Variants in RALYL observed in about 807,000 individuals in gnomAD.
The protein encoded by RALYL is RNA-binding Raly-like protein.
In RALYL, 29 loss-of-function variants were observed where a neutral mutation model predicts 35.1. The observed-to-expected ratio is 0.83, with a 90% CI of 0.61 to 1.13. The LOEUF (loss-of-function observed/expected upper bound fraction) is 1.13. Among genes scored for constraint, RALYL ranks in the 50% most tolerant of loss-of-function variants. The pLI, the probability that RALYL is intolerant of heterozygous loss-of-function variation, is 0.00. For missense variants in RALYL, 359 were observed against 360.4 expected, an observed-to-expected ratio of 1.00 and a Z score of 0.03; for synonymous variants, 120 against 127.6, an observed-to-expected ratio of 0.94 and a Z score of 0.40.
chr8:84,873,248 T>G, intron 6 of RALYL, 36 bp from the exon 7 acceptor site: 1 of 1,197,500 alleles, frequency 8.4e-7, no homozygotes, highest in South Asian at 1.3e-5. Flanking sequence ...GTGCATTTGA[T>G]GCTCTGTTGT....
intron 1 of RALYL, among the ~76,000 whole-genome samples, chr8:84,325,425 TAC>T: frequency 6.6e-6 from 1 of 152,226 alleles, no homozygotes; most frequent in East Asian, 1.9e-4. Flanking sequence ...TTTCCTGATG[TAC>T]TCAACGCCTC....
chr8:84,510,196 A>T (rs1172427597), intron 1 of RALYL, among the ~76,000 whole-genome samples: 1 of 152,188 alleles, frequency 6.6e-6, no homozygotes, highest in East Asian at 1.9e-4. Flanking sequence ...CTTTTATCAT[A>T]TAAGTTGTAT....
intron 1 of RALYL, among the ~76,000 whole-genome samples, chr8:84,326,355 T>A (rs141386362): frequency 1.4e-3 from 213 of 152,302 alleles, no homozygotes; most frequent in Non-Finnish European, 2.4e-3. Flanking sequence ...CTTTGTTGAT[T>A]GCTTCTTTGC....
At chr8:84,598,470 A>G (rs1429872385) in intron 2 of RALYL, among the ~76,000 whole-genome samples, 20 of 152,104 alleles carry the variant, frequency 1.3e-4, no homozygotes, top group Admixed American at 1.3e-3. Context: ...ATACCACATT[A>G]TTTTATGAAT....
chr8:84,304,878 G>C (rs1457923646), intron 1 of RALYL, among the ~76,000 whole-genome samples: 1 of 152,156 alleles, frequency 6.6e-6, no homozygotes, highest in Admixed American at 6.5e-5. Context: ...GAGAATTCTA[G>C]ATGCTGCACT....
At chr8:84,427,426 G>C (rs537723221) in intron 1 of RALYL, among the ~76,000 whole-genome samples, 1 of 152,272 alleles carries the variant, frequency 6.6e-6, no homozygotes, top group South Asian at 2.1e-4. Flanking sequence ...TTGTAAGCTT[G>C]TTCTATTAAT....
intron 1 of RALYL, among the ~76,000 whole-genome samples, chr8:84,205,398 G>A (rs1817829185): frequency 6.6e-6 from 1 of 152,124 alleles, no homozygotes; most frequent in Non-Finnish European, 1.5e-5. Flanking sequence ...ACCCTTTTCT[G>A]TTCAGGATTT....
At chr8:84,889,673 T>C (rs1453315798) in intron 8 of RALYL, among the ~76,000 whole-genome samples, 2 of 152,206 alleles carry the variant, frequency 1.3e-5, no homozygotes, top group Admixed American at 1.3e-4. Context: ...GTCAAATGTT[T>C]AGTTGCCTAT....
At chr8:84,396,093 T>C (rs112356223) in intron 1 of RALYL, among the ~76,000 whole-genome samples, 4,302 of 152,078 alleles carry the variant, frequency 0.028, 199 homozygotes, top group African/African-American at 0.098. Context: ...TTGATAGTAA[T>C]TTTTTTCAAA....
At chr8:84,405,580 C>T (rs911508241) in intron 1 of RALYL, among the ~76,000 whole-genome samples, 1 of 152,082 alleles carries the variant, frequency 6.6e-6, no homozygotes, top group African/African-American at 2.4e-5. Context: ...ACTGTAAACA[C>T]CTCTATGCAA....
chr8:84,587,209 A>G (rs1337521392), intron 2 of RALYL, among the ~76,000 whole-genome samples: 1 of 152,220 alleles, frequency 6.6e-6, no homozygotes, highest in African/African-American at 2.4e-5. Context: ...AGTAGAGTTT[A>G]TATTAATTTC....
chr8:84,914,078 G>A (rs1026824506), intron 8 of RALYL, among the ~76,000 whole-genome samples: 30 of 151,926 alleles, frequency 2.0e-4, no homozygotes, highest in African/African-American at 7.0e-4. Flanking sequence ...AATTATTCCT[G>A]TAAAGCAATT....
chr8:84,807,607 G>C (rs980241483), intron 4 of RALYL, among the ~76,000 whole-genome samples: 4 of 152,146 alleles, frequency 2.6e-5, no homozygotes, highest in African/African-American at 9.7e-5. Flanking sequence ...TTCTATAGTG[G>C]TTGTACTAGT....
chr8:84,340,125 A>C (rs1457002926), intron 1 of RALYL, among the ~76,000 whole-genome samples: 2 of 151,978 alleles, frequency 1.3e-5, no homozygotes, highest in Non-Finnish European at 2.9e-5. Flanking sequence ...TTTCACCGTG[A>C]TTGTGAGACC....
chr8:84,386,632 G>A (rs1036665916), intron 1 of RALYL, among the ~76,000 whole-genome samples: 20 of 151,812 alleles, frequency 1.3e-4, no homozygotes, highest in African/African-American at 4.6e-4. Flanking sequence ...TCCTGGTTCA[G>A]CAACTGAGAG....
chr8:84,882,633 T>A (rs1173856892), intron 7 of RALYL, among the ~76,000 whole-genome samples: 1 of 152,042 alleles, frequency 6.6e-6, no homozygotes, highest in African/African-American at 2.4e-5. Context: ...ACTTAACTTG[T>A]GATTAAGGGT....
At chr8:84,429,257 C>A (rs2046883710) in intron 1 of RALYL, among the ~76,000 whole-genome samples, 1 of 152,118 alleles carries the variant, frequency 6.6e-6, no homozygotes, top group Admixed American at 6.6e-5. Flanking sequence ...GAAATCATTG[C>A]AGAAAAGAAG....
At chr8:84,779,522 T>C (rs1817610604) in intron 3 of RALYL, among the ~76,000 whole-genome samples, 1 of 152,190 alleles carries the variant, frequency 6.6e-6, no homozygotes, top group East Asian at 1.9e-4. Flanking sequence ...CAAATATTGC[T>C]TTTGGCTATC....
chr8:84,610,338 C>A (rs920980236), intron 2 of RALYL, among the ~76,000 whole-genome samples: 4 of 151,882 alleles, frequency 2.6e-5, no homozygotes, highest in Middle Eastern at 3.2e-3. Context: ...TTGTAAGATT[C>A]TTTTCTGTTG....
Sources: gnomAD v4.1 joint callset for allele counts (sites outside exome capture counted in the v4.1 genomes callset) on GRCh38, gnomAD v4.1.1 for gene constraint, MANE v1.5 for transcripts, NCBI Gene and HGNC (gene_info 2026-07-23, HGNC 2026-07-21) for gene names.